DAB1: variants seen among roughly 807,000 people sequenced by gnomAD.
The protein encoded by DAB1 is DAB adaptor protein 1, also known as disabled homolog 1.
A neutral mutation model predicts 64.6 loss-of-function variants in DAB1; 15 were observed. The observed-to-expected ratio is 0.23, with a 90% CI of 0.16 to 0.36. The LOEUF is 0.36. DAB1 is among the 10% of genes least tolerant of loss of function. The pLI is 1.00. For synonymous variants in DAB1, 235 were observed against 251.9 expected (o/e 0.93, Z 0.64); for missense variants, 596 against 706.7 (o/e 0.84, Z 1.78).
At chr1:58,129,297 G>A (rs1653358178) in intron 5 of DAB1, among the ~76,000 whole-genome samples, 2 of 150,958 alleles carry the variant, frequency 1.3e-5, no homozygotes, top group African/African-American at 2.4e-5. Flanking sequence ...TGGGATCGGT[G>A]GTGATATCCC....
chr1:57,967,431 G>C (rs759017736), intron 5 of DAB1, among the ~76,000 whole-genome samples: 5 of 152,164 alleles, frequency 3.3e-5, no homozygotes, highest in Non-Finnish European at 7.4e-5. Context: ...ATACACAGGA[G>C]TACCTTAACC....
chr1:57,805,568 G>A (rs1184306021), intron 6 of DAB1, among the ~76,000 whole-genome samples: 1 of 152,156 alleles, frequency 6.6e-6, no homozygotes, highest in Non-Finnish European at 1.5e-5. Context: ...TGTGTTGTAT[G>A]TCTTCAAATA....
Position 58,022,929 on chromosome 1 carries a change from G to C in DAB1, n.387+127582C>G, listed in dbSNP as rs1325453. ...GTAAGATCCCTTTTGTCTTATTTTT[G>C]AATCCCTAAGAGCACTGAACACAAT... is the stretch of plus-strand genomic sequence containing the variant. On this transcript the variant is annotated intron_variant and non_coding_transcript_variant, in intron 5 of 20. Transcript: ENST00000485760. Among the ~76,000 whole-genome samples the C allele has an allele frequency of 3.5e-4, 53 of 151,896 alleles. 1 individual carries two copies. The South Asian group carries it at 6.8e-3, about 20-fold the overall frequency.
intron 4 of DAB1, among the ~76,000 whole-genome samples, chr1:58,250,507 G>A (rs1285956626): frequency 6.6e-6 from 1 of 152,186 alleles, no homozygotes; most frequent in African/African-American, 2.4e-5. Context: ...AGATAGTGCC[G>A]GCTCTCTGCA....
At chr1:57,337,917 G>T in intron 1 of DAB1, among the ~76,000 whole-genome samples, 3 of 122,908 alleles carry the variant, frequency 2.4e-5, no homozygotes, top group African/African-American at 9.6e-5. Context: ...CTCCTTCCTT[G>T]CTTCCTCCTT....
intron 5 of DAB1, among the ~76,000 whole-genome samples, chr1:57,973,145 A>C (rs1645838517): frequency 6.6e-6 from 1 of 152,178 alleles, no homozygotes; most frequent in Non-Finnish European, 1.5e-5. Flanking sequence ...GGGAAATTTG[A>C]CACATAGATA....
intron 14 of DAB1, among the ~76,000 whole-genome samples, chr1:57,007,050 C>T (rs1646098429): frequency 6.6e-6 from 1 of 152,042 alleles, no homozygotes; most frequent in Non-Finnish European, 1.5e-5. Flanking sequence ...CTTCCTCTCT[C>T]ACTCTCTTAA....
At chr1:57,643,287 G>A (rs1433320499) in intron 7 of DAB1, among the ~76,000 whole-genome samples, 2 of 152,100 alleles carry the variant, frequency 1.3e-5, no homozygotes, top group Admixed American at 1.3e-4. Flanking sequence ...TGAGAGGTCA[G>A]GGGCTCTTGT....
At chr1:58,181,868 A>G (rs1656813732) in intron 4 of DAB1, among the ~76,000 whole-genome samples, 1 of 151,982 alleles carries the variant, frequency 6.6e-6, no homozygotes, top group Non-Finnish European at 1.5e-5. Flanking sequence ...TTTTATATTT[A>G]TCTTCATAAT....
At chr1:57,029,584 G>A (rs1203477230) in intron 9 of DAB1, among the ~76,000 whole-genome samples, 1 of 152,176 alleles carries the variant, frequency 6.6e-6, no homozygotes, top group Non-Finnish European at 1.5e-5. Context: ...CTGGGAGGGA[G>A]GCTGTACCCT....
chr1:57,655,055 C>T (rs1646300117), intron 6 of DAB1, among the ~76,000 whole-genome samples: 1 of 152,180 alleles, frequency 6.6e-6, no homozygotes, highest in African/African-American at 2.4e-5. Flanking sequence ...GTTTCTACTA[C>T]ACACAGTCTG....
At chr1:58,361,242 G>A (rs1384730157) in intron 3 of DAB1, among the ~76,000 whole-genome samples, 1 of 152,132 alleles carries the variant, frequency 6.6e-6, no homozygotes, top group Non-Finnish European at 1.5e-5. Context: ...AATACTGGGA[G>A]GGCTCCATGC....
chr1:57,984,162 A>G (rs964397654), intron 5 of DAB1, among the ~76,000 whole-genome samples: 2 of 146,204 alleles, frequency 1.4e-5, no homozygotes, highest in African/African-American at 5.1e-5. Flanking sequence ...GCAGGATTTC[A>G]GGGCCCAGGA....
intron 3 of DAB1, among the ~76,000 whole-genome samples, chr1:58,425,246 G>A (rs1233204214): frequency 6.6e-6 from 1 of 152,158 alleles, no homozygotes; most frequent in Non-Finnish European, 1.5e-5. Flanking sequence ...AAAGTTGTGA[G>A]CCTAAAGATT....
intron 5 of DAB1, among the ~76,000 whole-genome samples, chr1:57,908,848 C>G (rs1644598079): frequency 6.6e-6 from 1 of 152,148 alleles, no homozygotes; most frequent in African/African-American, 2.4e-5. Context: ...ATTCGTGAAG[C>G]CAAGTCATTA....
At chr1:58,087,517 G>A (rs1252156450) in intron 5 of DAB1, among the ~76,000 whole-genome samples, 1 of 152,166 alleles carries the variant, frequency 6.6e-6, no homozygotes, top group Non-Finnish European at 1.5e-5. Flanking sequence ...ATCTGATATA[G>A]GGACTCACTG....
intron 3 of DAB1, among the ~76,000 whole-genome samples, chr1:58,465,831 TCA>T (rs993816230): frequency 6.6e-5 from 10 of 152,172 alleles, no homozygotes; most frequent in Non-Finnish European, 1.0e-4. Flanking sequence ...ACTGGGGGGT[TCA>T]GTGCCTTGCC....
chr1:57,852,450 G>A (rs1298306985), intron 1 of DAB1, among the ~76,000 whole-genome samples: 1 of 152,076 alleles, frequency 6.6e-6, no homozygotes, highest in Non-Finnish European at 1.5e-5. Context: ...CCTCTGCTGG[G>A]AAAATTCAGG....
At chr1:57,267,502 G>A (rs1220500380) in intron 2 of DAB1, among the ~76,000 whole-genome samples, 4 of 152,160 alleles carry the variant, frequency 2.6e-5, no homozygotes, top group South Asian at 2.1e-4. Context: ...GTCTTATGCC[G>A]AAGAAGACTT....
Sources: allele counts gnomAD v4.1 joint callset (sites outside exome capture counted in the v4.1 genomes callset), GRCh38; gene constraint gnomAD v4.1.1; transcripts MANE v1.5; gene names NCBI Gene and HGNC (gene_info 2026-07-23, HGNC 2026-07-21).